The following FNDC3B variants were observed in gnomAD, a reference collection of about 807,000 sequenced individuals.
FNDC3B encodes fibronectin type III domain-containing protein 3B.
A neutral mutation model predicts 151.5 loss-of-function variants in FNDC3B; 12 were observed. That is an observed-to-expected ratio of 0.08 (90% CI 0.05 to 0.13). FNDC3B has a LOEUF of 0.13. FNDC3B is among the 10% of genes least tolerant of loss of function. FNDC3B has a pLI of 1.00. For synonymous variants in FNDC3B, 528 were observed against 549.0 expected (o/e 0.96, Z 0.54); for missense variants, 1,214 against 1,505.3 (o/e 0.81, Z 3.20).
chr3:172,325,748 C>T (rs1206019561), intron 11 of FNDC3B, among the ~76,000 whole-genome samples: 3 of 152,232 alleles, frequency 2.0e-5, no homozygotes, highest in Non-Finnish European at 2.9e-5. Context: ...CACTTGTTAA[C>T]TTCTCAGCTG....
chr3:172,393,342 A>G (rs1736118170), intron 25 of FNDC3B, among the ~76,000 whole-genome samples: 2 of 152,212 alleles, frequency 1.3e-5, no homozygotes, highest in African/African-American at 4.8e-5. Context: ...ACAGTTATAT[A>G]TGCACCCAAC....
chr3:172,103,954 C>A (rs538243140), intron 1 of FNDC3B, among the ~76,000 whole-genome samples: 4 of 152,282 alleles, frequency 2.6e-5, no homozygotes, highest in Admixed American at 2.0e-4. Flanking sequence ...TTCTTTCCTT[C>A]AAGTGGCAAG....
intron 6 of FNDC3B, among the ~76,000 whole-genome samples, chr3:172,259,257 A>G (rs1576847573): frequency 6.6e-6 from 1 of 152,306 alleles, no homozygotes; most frequent in African/African-American, 2.4e-5. Context: ...TTATTTTTTC[A>G]AAGGACAGTG....
At chr3:172,289,509 G>A (rs369809564) in intron 7 of FNDC3B, among the ~76,000 whole-genome samples, 1 of 152,190 alleles carries the variant, frequency 6.6e-6, no homozygotes, top group African/African-American at 2.4e-5. Flanking sequence ...TATTGCCTGA[G>A]ACAGTCCACT....
intron 3 of FNDC3B, among the ~76,000 whole-genome samples, chr3:172,200,916 C>A (rs1232495857): frequency 1.3e-5 from 2 of 152,160 alleles, no homozygotes; most frequent in Admixed American, 1.3e-4. Context: ...GGGTACCCAG[C>A]ACCCGAGTAC....
At chr3:172,148,295 T>G (rs776535020) in intron 3 of FNDC3B, among the ~76,000 whole-genome samples, 1 of 152,148 alleles carries the variant, frequency 6.6e-6, no homozygotes, top group African/African-American at 2.4e-5. Context: ...AAATAAGGGA[T>G]GTACTTATTC....
At chr3:172,281,770 G>C (rs1729737077) in intron 6 of FNDC3B, among the ~76,000 whole-genome samples, 1 of 152,086 alleles carries the variant, frequency 6.6e-6, no homozygotes, top group Non-Finnish European at 1.5e-5. Context: ...ACCAGACAGA[G>C]TTTTCAGCTT....
chr3:172,290,752 G>T (rs1263704243), intron 7 of FNDC3B, among the ~76,000 whole-genome samples: 1 of 152,174 alleles, frequency 6.6e-6, no homozygotes, highest in Non-Finnish European at 1.5e-5. Context: ...AGCACTTCAG[G>T]AATCATAAAA....
intron 6 of FNDC3B, among the ~76,000 whole-genome samples, chr3:172,275,455 T>TAA (rs1231271276): frequency 1.3e-5 from 2 of 152,178 alleles, no homozygotes; most frequent in African/African-American, 4.8e-5. Flanking sequence ...CCAAATAATA[T>TAA]AAATGTTATT....
chr3:172,341,675 C>G (rs1733331897), intron 17 of FNDC3B, among the ~76,000 whole-genome samples: 1 of 152,204 alleles, frequency 6.6e-6, no homozygotes, highest in Admixed American at 6.5e-5. Context: ...TTACTGCCAT[C>G]TGCTGGAAAG....
intron 3 of FNDC3B, among the ~76,000 whole-genome samples, chr3:172,171,341 A>C (rs548929631): frequency 6.6e-6 from 1 of 152,308 alleles, no homozygotes; most frequent in East Asian, 1.9e-4. Context: ...TAGTGTGCAC[A>C]CTTCTTATTT....
intron 3 of FNDC3B, among the ~76,000 whole-genome samples, chr3:172,162,322 T>C (rs1722819815): frequency 6.6e-6 from 1 of 152,196 alleles, no homozygotes; most frequent in African/African-American, 2.4e-5. Flanking sequence ...GTGTCAGTTC[T>C]TCATTTTTTT....
At chr3:172,202,211 C>G (rs1725189425) in intron 3 of FNDC3B, among the ~76,000 whole-genome samples, 1 of 152,126 alleles carries the variant, frequency 6.6e-6, no homozygotes, top group South Asian at 2.1e-4. Flanking sequence ...TTTCCTCCCT[C>G]TCTTTAATGA....
chr3:172,154,677 A>G (rs1273893401), intron 3 of FNDC3B, among the ~76,000 whole-genome samples: 1 of 151,858 alleles, frequency 6.6e-6, no homozygotes, highest in African/African-American at 2.4e-5. Flanking sequence ...ACCATTCCAC[A>G]CTCCCGCATA....
intron 1 of FNDC3B, among the ~76,000 whole-genome samples, chr3:172,088,535 T>A (rs896763540): frequency 6.6e-6 from 1 of 152,240 alleles, no homozygotes; most frequent in African/African-American, 2.4e-5. Context: ...CCTTCGTAAT[T>A]ATATTTTGAA....
In FNDC3B at chr3:172,142,800, G is replaced by C. The variant is rs148652292; in HGVS notation, c.187+9254G>C. ...CTATAACAAAAATACCAGAGACCGGGTGGCTTATTAACAACGGAAATCTAT... is the reference window on the plus strand; with the variant it reads ...CTATAACAAAAATACCAGAGACCGGCTGGCTTATTAACAACGGAAATCTAT... On this transcript the variant is annotated intron_variant, in intron 3 of 25. Coordinates refer to ENST00000415807, the MANE Select transcript of FNDC3B (RefSeq NM_022763.4). Among the ~76,000 whole-genome samples the C allele has an allele frequency of 6.8e-4, 104 of 152,310 alleles. 3 individuals are homozygous for C. In the East Asian group the frequency reaches 0.013, roughly 19 times the overall value.
intron 25 of FNDC3B, among the ~76,000 whole-genome samples, chr3:172,395,637 A>C (rs1462718509): frequency 1.3e-5 from 2 of 149,662 alleles, no homozygotes; most frequent in East Asian, 3.9e-4. Context: ...CAAGAAAACA[A>C]GTAGGCATGC....
chr3:172,336,414 T>C (rs1732969664), intron 15 of FNDC3B, among the ~76,000 whole-genome samples: 1 of 152,188 alleles, frequency 6.6e-6, no homozygotes, highest in Non-Finnish European at 1.5e-5. Flanking sequence ...AGAACCTTCT[T>C]CCTCAGACTG....
chr3:172,146,789 A>G (rs1453285610), intron 3 of FNDC3B, among the ~76,000 whole-genome samples: 1 of 152,220 alleles, frequency 6.6e-6, no homozygotes, highest in Non-Finnish European at 1.5e-5. Context: ...ACCTATTAAA[A>G]TTGCTTTTTA....
Sources: allele counts gnomAD v4.1 joint callset (sites outside exome capture counted in the v4.1 genomes callset), GRCh38; gene constraint gnomAD v4.1.1; transcripts MANE v1.5; gene names NCBI Gene and HGNC (gene_info 2026-07-23, HGNC 2026-07-21).